RREB1: variants seen among roughly 807,000 people sequenced by gnomAD.
The protein encoded by RREB1 is ras-responsive element-binding protein 1.
A neutral mutation model predicts 117.8 loss-of-function variants in RREB1; 27 were observed. The ratio of observed to expected loss-of-function variants is 0.23; its 90% CI spans 0.17 to 0.32. RREB1 has a LOEUF of 0.32. RREB1 is among the 10% of genes least tolerant of loss of function. The pLI is 1.00. For missense variants in RREB1, 2,577 were observed against 2,378.2 expected (o/e 1.08, Z -1.74); for synonymous variants, 1,298 against 1,026.7 (o/e 1.26, Z -5.05).
chr6:7,202,516 C>T (rs538373355), intron 6 of RREB1, among the ~76,000 whole-genome samples: 106 of 152,116 alleles, frequency 7.0e-4, no homozygotes, highest in Non-Finnish European at 1.2e-3. Context: ...TGGTGGCCGG[C>T]GATGGCTTCC....
chr6:7,173,901 G>C (rs982060720), intron 1 of RREB1, among the ~76,000 whole-genome samples: 3 of 152,160 alleles, frequency 2.0e-5, no homozygotes, highest in Non-Finnish European at 2.9e-5. Flanking sequence ...CTGGAGACCT[G>C]CCCCTTAATC....
chr6:7,165,545 T>G (rs1465153034), intron 1 of RREB1, among the ~76,000 whole-genome samples: 1 of 151,966 alleles, frequency 6.6e-6, no homozygotes, highest in East Asian at 1.9e-4. Context: ...GGTAGGCTTT[T>G]GATTGAGAAT....
intron 1 of RREB1, among the ~76,000 whole-genome samples, chr6:7,143,136 C>T (rs1207093675): frequency 6.6e-6 from 1 of 152,184 alleles, no homozygotes; most frequent in Non-Finnish European, 1.5e-5. Flanking sequence ...GAAATTCTCC[C>T]ATCTGATGCT....
At chr6:7,184,219 C>G (rs956832149) in intron 4 of RREB1, among the ~76,000 whole-genome samples, 2 of 151,810 alleles carry the variant, frequency 1.3e-5, no homozygotes, top group Non-Finnish European at 2.9e-5. Flanking sequence ...CCAGGAGGGC[C>G]TCTCTTCCAG....
chr6:7,198,081 C>T (rs1325179041), intron 6 of RREB1, among the ~76,000 whole-genome samples: 4 of 152,230 alleles, frequency 2.6e-5, no homozygotes, highest in East Asian at 1.9e-4. Flanking sequence ...CTCAGTTCCC[C>T]GCAAGAGGAA....
In RREB1 at chr6:7,251,476, G is replaced by A. The variant is rs1372320895; in HGVS notation, c.*2508G>A. On this transcript the variant is annotated 3_prime_UTR_variant, in exon 13 of 13. Transcript: ENST00000379938. ...GATCTTCTGAAAAGTTTTTTGAGGT[G>A]CAAGTTTTTTCTCTTTTTTTTTTTT... The A allele has an allele frequency of 6.9e-6, 1 of 145,554 alleles. No homozygotes were observed. The highest frequency in any genetic ancestry group is 1.5e-5 in the Non-Finnish European group (1 of 66,852). 9.0% of individuals were successfully genotyped at this position (145,554 alleles called of 1,614,324 possible).
At chr6:7,139,906 G>A (rs1581437058) in intron 1 of RREB1, among the ~76,000 whole-genome samples, 1 of 152,182 alleles carries the variant, frequency 6.6e-6, no homozygotes, top group Non-Finnish European at 1.5e-5. Flanking sequence ...GCTGTTAACA[G>A]AACTTTGCCT....
At chr6:7,240,068 G>A (rs934943998) in intron 10 of RREB1, among the ~76,000 whole-genome samples, 2 of 152,230 alleles carry the variant, frequency 1.3e-5, no homozygotes, top group Non-Finnish European at 1.5e-5. Context: ...GTTAGAGGGC[G>A]TCTTTCTCTT....
Position 7,240,514 on chromosome 6 carries a change from CA to C in RREB1, c.3888del (p.Lys1296AsnfsTer9). 6.2e-7 allele frequency: 1 copy of C among 1,613,952 alleles called. No individual in the cohort carries two copies. Among genetic ancestry groups the C allele is most frequent in the South Asian group, 1.1e-5 (1 of 91,078 alleles). The stretch of plus-strand genomic sequence containing the variant: ...CTAACTGTGAACGCCACCAGTTGCG[CA>C]AACACGGAGTTACCACCTGTTCCCT... ...KSNCERHQLR[K>X]HGVTTCSLRR... On this transcript the variant is annotated frameshift_variant, in exon 11 of 13. Transcript: ENST00000379938. LOFTEE classifies it high-confidence loss of function.
intron 6 of RREB1, among the ~76,000 whole-genome samples, chr6:7,208,572 C>T (rs1356993262): frequency 6.6e-6 from 1 of 152,222 alleles, no homozygotes. Context: ...CTCCGGGGCT[C>T]AGTGGGAGAA....
intron 1 of RREB1, among the ~76,000 whole-genome samples, chr6:7,152,014 AT>A (rs1434494346): frequency 6.6e-6 from 1 of 152,230 alleles, no homozygotes; most frequent in African/African-American, 2.4e-5. Flanking sequence ...TTCTCACTAT[AT>A]TTCCCTTGTA....
chr6:7,246,376 T>C (rs1769022460), intron 11 of RREB1, 48 bp from the exon 12 acceptor site: 2 of 1,418,928 alleles, frequency 1.4e-6, no homozygotes, highest in Admixed American at 5.6e-5. Context: ...GGCATGGGCG[T>C]ACCTGGTGGT....
chr6:7,133,477 C>CT (rs1232755940), intron 1 of RREB1, among the ~76,000 whole-genome samples: 10 of 152,086 alleles, frequency 6.6e-5, no homozygotes, highest in Non-Finnish European at 1.0e-4. Flanking sequence ...GTCCCAGCCA[C>CT]TTGGGAGGCT....
intron 1 of RREB1, among the ~76,000 whole-genome samples, chr6:7,157,252 GTGAAACCCTGTCTCTACCAAAAATACAA>G (rs2113449839): frequency 6.6e-6 from 1 of 152,194 alleles, no homozygotes; most frequent in Non-Finnish European, 1.5e-5. Flanking sequence ...AGGCAACATG[GTGAAACCCTGTCTCTACCAAAAATACAA>G]AAACTTAGCC....
At chr6:7,217,757 A>T (rs1022666654) in intron 8 of RREB1, 26 of 152,032 alleles carry the variant, frequency 1.7e-4, no homozygotes, top group Non-Finnish European at 4.4e-5. Context: ...TTTTTATATA[A>T]AATTTTATAT....
Position 7,156,473 on chromosome 6 carries a change from A to G in RREB1, c.-284-20182A>G, listed in dbSNP as rs962797029. The stretch of plus-strand genomic sequence containing the variant: ...CTTGATGTGCTTTTTGCCTCTTAAG[A>G]GGGAACACCAGCCAGTCCCTTGTGG... On this transcript the variant is annotated intron_variant, in intron 1 of 12. Coordinates refer to ENST00000379938, the MANE Select transcript of RREB1 (RefSeq NM_001003699.4). Among the ~76,000 whole-genome samples, 3 of 152,354 alleles carry G rather than the reference A, an allele frequency of 2.0e-5. No homozygotes were observed. In the East Asian group the frequency reaches 5.8e-4, roughly 29 times the overall value.
chr6:7,233,376 GA>G (rs1051808786), intron 10 of RREB1, among the ~76,000 whole-genome samples: 5 of 152,172 alleles, frequency 3.3e-5, no homozygotes, highest in Non-Finnish European at 7.4e-5. Flanking sequence ...AGTATTCAGT[GA>G]TTTGTGTTAT....
At chr6:7,116,928 A>G (rs370531512) in intron 1 of RREB1, among the ~76,000 whole-genome samples, 1 of 152,230 alleles carries the variant, frequency 6.6e-6, no homozygotes, top group South Asian at 2.1e-4. Flanking sequence ...ATCAAAGACC[A>G]AAATCATTTC....
chr6:7,183,337 T>C (rs1176087664), intron 4 of RREB1: 1 of 152,258 alleles, frequency 6.6e-6, no homozygotes, highest in Admixed American at 6.5e-5. Context: ...TCCACTCTCA[T>C]GTGACTATCC....
Sources: gnomAD v4.1 joint callset for allele counts (sites outside exome capture counted in the v4.1 genomes callset) on GRCh38, gnomAD v4.1.1 for gene constraint, MANE v1.5 for transcripts, NCBI Gene and HGNC (gene_info 2026-07-23, HGNC 2026-07-21) for gene names.